Variants in THTPA observed in about 807,000 individuals in gnomAD.
The protein encoded by THTPA is thiamine-triphosphatase.
A neutral mutation model predicts 16.5 loss-of-function variants in THTPA; 16 were observed. That is an observed-to-expected ratio of 0.97 (90% CI 0.66 to 1.47). THTPA has a LOEUF of 1.47. Among genes scored for constraint, THTPA ranks in the 40% most tolerant of loss-of-function variants. THTPA has a pLI of 0.00. For synonymous variants in THTPA, 110 were observed against 115.5 expected (o/e 0.95, Z 0.30); for missense variants, 281 against 280.9 (o/e 1.00, Z 0.00).
chr14:23,531,268 C>T, the THTPA span: 1 of 592,900 alleles, frequency 1.7e-6, no homozygotes, highest in Non-Finnish European at 2.5e-6. Context: ...CCAGCAAAGC[C>T]CCTGCCCTTC....
chr14:23,545,535 A>C, the THTPA span, among the ~76,000 whole-genome samples: 1 of 151,800 alleles, frequency 6.6e-6, no homozygotes, highest in East Asian at 1.9e-4. Context: ...CTCTCTCCCA[A>C]CTTCTCCCTG....
the THTPA span, chr14:23,523,394 T>C: frequency 6.6e-7 from 1 of 1,512,888 alleles, no homozygotes; most frequent in Non-Finnish European, 8.8e-7. The surrounding 1 kb of genome is among the most constrained non-coding windows in gnomAD (Gnocchi z 4.1). Flanking sequence ...GCTTTCACTC[T>C]TCAGCTGGGC....
the THTPA span, chr14:23,512,675 A>G: frequency 6.6e-6 from 1 of 151,472 alleles, no homozygotes; most frequent in Non-Finnish European, 1.5e-5. Flanking sequence ...CCCAAAGAAA[A>G]GAGTTTTTCT....
chr14:23,516,839 A>G, the THTPA span, among the ~76,000 whole-genome samples: 2 of 152,310 alleles, frequency 1.3e-5, no homozygotes, highest in South Asian at 2.1e-4. Context: ...CATCCAATTG[A>G]GAAGACTTAG....
chr14:23,528,681 T>G, the THTPA span: 1 of 985,392 alleles, frequency 1.0e-6, no homozygotes, highest in Non-Finnish European at 1.2e-6. Context: ...GCTCCCACCT[T>G]ATTTTCCATC....
chr14:23,525,433 G>GTGGACATGTTCC, the THTPA span: 1 of 1,536,178 alleles, frequency 6.5e-7, no homozygotes, highest in Non-Finnish European at 8.7e-7. This position sits in a 1 kb window ranked among gnomAD's most constrained non-coding sequence, Gnocchi z 5.9. Flanking sequence ...GAAAGCGGCG[G>GTGGACATGTTCC]TGGACATGTT....
the THTPA span, chr14:23,525,744 G>T: frequency 6.6e-7 from 1 of 1,511,848 alleles, no homozygotes; most frequent in East Asian, 2.5e-5. The surrounding 1 kb of genome is among the most constrained non-coding windows in gnomAD (Gnocchi z 5.9). Flanking sequence ...GCCTTGGGAG[G>T]TTGGGGTGGA....
Position 23,557,160 on chromosome 14 carries a change from G to A in THTPA, c.403G>A (p.Ala135Thr), listed in dbSNP as rs1882482699. Residue 135 changes from alanine (A) to threonine (T), a missense_variant, in exon 1 of 2, where the codon GCT becomes ACT. Physicochemically the swap from Ala to Thr is moderately conservative, Grantham distance 58. Transcript: ENST00000288014. ...TGCCTGGAAGCTGGTGCTCTTGGGA[G>A]CTGATGAAGAGGAGCCACAGCTCAG... ...RSAWKLVLLG[A>T]DEEEPQLRVD... The A allele has an allele frequency of 3.7e-6, 6 of 1,614,054 alleles. No homozygotes were observed. The East Asian group carries it at 1.3e-4, about 36-fold the overall frequency.
At position 23,557,405 on chromosome 14, in the gene THTPA, AT is replaced by A. The variant is rs926112525; in HGVS notation, c.547+111del. On this transcript the variant is annotated intron_variant, in intron 1 of 1. Coordinates refer to ENST00000288014, the MANE Select transcript of THTPA (RefSeq NM_024328.6). ...GTGGGGGAGGGCCTCCGGATTAAAA[AT>A]TTTTTTTTTAATAGAGACAAGGTTT... The A allele has an allele frequency of 2.4e-3, 2,840 of 1,197,080 alleles. 1 individual carries two copies. Among genetic ancestry groups the A allele is most frequent in the Non-Finnish European group, 2.6e-3 (2,330 of 909,682 alleles). The allele number at this position is 1,197,080 out of a possible 1,614,324, so 74.2% of individuals were successfully genotyped here.
the THTPA span, chr14:23,524,052 G>A: frequency 1.8e-5 from 27 of 1,515,518 alleles, no homozygotes; most frequent in African/African-American, 2.8e-5. The surrounding 1 kb of genome is among the most constrained non-coding windows in gnomAD (Gnocchi z 5.6). Flanking sequence ...GGAAAAGCAG[G>A]TGCTTCCCTC....
chr14:23,540,134 G>C, the THTPA span, among the ~76,000 whole-genome samples: 1 of 152,258 alleles, frequency 6.6e-6, no homozygotes, highest in African/African-American at 2.4e-5. Context: ...GGGACTACAG[G>C]CATGTGCCAC....
chr14:23,516,308 T>C, the THTPA span, among the ~76,000 whole-genome samples: 1 of 152,218 alleles, frequency 6.6e-6, no homozygotes, highest in African/African-American at 2.4e-5. Flanking sequence ...CCCTTGCCTT[T>C]TGCATCTGTC....
the THTPA span, chr14:23,524,638 G>T: frequency 6.5e-7 from 1 of 1,536,282 alleles, no homozygotes; most frequent in African/African-American, 1.4e-5. This position sits in a 1 kb window ranked among gnomAD's most constrained non-coding sequence, Gnocchi z 5.6. Context: ...CACAGGTATG[G>T]GCTGGGGAAG....
At chr14:23,539,228 C>T in the THTPA span, among the ~76,000 whole-genome samples, 22 of 152,216 alleles carry the variant, frequency 1.4e-4, no homozygotes, top group African/African-American at 5.3e-4. Flanking sequence ...GTATTGCCCT[C>T]TTCCTCTGTC....
At chr14:23,511,814 G>A in the THTPA span, 8 of 152,240 alleles carry the variant, frequency 5.3e-5, no homozygotes, top group Admixed American at 5.2e-4. Context: ...CTAGGCTGGG[G>A]TGGGGAAATG....
At chr14:23,525,270 C>G in the THTPA span, 14 of 1,536,090 alleles carry the variant, frequency 9.1e-6, no homozygotes, top group Non-Finnish European at 1.2e-5. This position sits in a 1 kb window ranked among gnomAD's most constrained non-coding sequence, Gnocchi z 5.9. Flanking sequence ...CCCCCTGCCT[C>G]AGGCTCTGGG....
At chr14:23,522,637 A>G in the THTPA span, 1 of 1,535,318 alleles carries the variant, frequency 6.5e-7, no homozygotes, top group South Asian at 1.2e-5. Context: ...GGGGCAATGG[A>G]AAGGGCAGGA....
chr14:23,539,120 C>G, the THTPA span, among the ~76,000 whole-genome samples: 114 of 152,250 alleles, frequency 7.5e-4, no homozygotes, highest in Middle Eastern at 3.4e-3. Flanking sequence ...AGCCTATCCT[C>G]CTCCCCTAAT....
the THTPA span, among the ~76,000 whole-genome samples, chr14:23,539,434 T>C: frequency 6.6e-6 from 1 of 152,130 alleles, no homozygotes; most frequent in African/African-American, 2.4e-5. Flanking sequence ...AGAAATGTGA[T>C]GAGACAGAGA....
Sources: allele counts gnomAD v4.1 joint callset (sites outside exome capture counted in the v4.1 genomes callset), GRCh38; gene constraint gnomAD v4.1.1; non-coding constraint Gnocchi (gnomAD v3.1); transcripts MANE v1.5; gene names NCBI Gene and HGNC (gene_info 2026-07-23, HGNC 2026-07-21).